HORMAD2: variants seen among roughly 807,000 people sequenced by gnomAD.
HORMAD2 encodes the protein HORMA domain containing 2, also known as HORMA domain-containing protein 2.
A neutral mutation model predicts 38.8 loss-of-function variants in HORMAD2; 45 were observed. The observed-to-expected ratio is 1.16, with a 90% CI of 0.91 to 1.49. The LOEUF (loss-of-function observed/expected upper bound fraction) is 1.49. Ranked by LOEUF, HORMAD2 falls within the 40% of genes most tolerant of loss-of-function variation. The pLI is 0.00. For missense variants in HORMAD2, 338 were observed against 367.0 expected, an observed-to-expected ratio of 0.92 and a Z score of 0.65; for synonymous variants, 126 against 122.8, an observed-to-expected ratio of 1.03 and a Z score of -0.17.
the HORMAD2 span, among the ~76,000 whole-genome samples, chr22:30,202,757 G>A: frequency 6.6e-6 from 1 of 152,200 alleles, no homozygotes; most frequent in South Asian, 2.1e-4. Context: ...TTCTGCCTGG[G>A]ACATGCAGCC....
At chr22:30,146,219 G>A (rs1273927783) in intron 10 of HORMAD2, among the ~76,000 whole-genome samples, 7 of 152,194 alleles carry the variant, frequency 4.6e-5, no homozygotes, top group Admixed American at 2.6e-4. Context: ...TTGGCCAGGC[G>A]CAGTGGCTCA....
intron 5 of HORMAD2, among the ~76,000 whole-genome samples, chr22:30,111,342 C>T (rs111542439): frequency 0.017 from 2,519 of 151,456 alleles, 67 homozygotes; most frequent in African/African-American, 0.058. Flanking sequence ...AAAAATTAGC[C>T]GGGCATTGAG....
chr22:30,094,895 A>C (rs978148817), intron 2 of HORMAD2, among the ~76,000 whole-genome samples: 1 of 152,156 alleles, frequency 6.6e-6, no homozygotes, highest in Non-Finnish European at 1.5e-5. Context: ...TGGTAAAAGC[A>C]TTGCACTGTC....
chr22:30,094,015 G>T lies in HORMAD2; in HGVS notation c.51+12G>T, dbSNP rs570508780. 1.9e-6 allele frequency: 3 copies of T among 1,576,538 alleles called. No homozygotes were observed. The Admixed American group carries it at 5.2e-5, about 27-fold the overall frequency. ...ACAAGGCTTCTAAGGTATTTGTTAA[G>T]AATTAAAAGAAAATCAATGACCATT... On this transcript the variant is annotated intron_variant, in intron 2 of 10. Coordinates refer to ENST00000336726, the MANE Select transcript of HORMAD2 (RefSeq NM_152510.4).
upstream of HORMAD2, among the ~76,000 whole-genome samples, chr22:30,079,867 A>G (rs1435060674): frequency 6.6e-6 from 1 of 151,950 alleles, no homozygotes; most frequent in African/African-American, 2.4e-5. Flanking sequence ...TTTTGTAGAG[A>G]CGGGTTTTCA....
In HORMAD2 at chr22:30,167,189, C is replaced by T. The variant is rs544766670; in HGVS notation, c.820-8874C>T. 3.3e-5 allele frequency among the ~76,000 whole-genome samples: 5 copies of T among 152,314 alleles called. No homozygotes were observed. The East Asian group carries it at 9.6e-4, about 29-fold the overall frequency. On this transcript the variant is annotated intron_variant, in intron 10 of 10. Transcript: ENST00000336726. ...CCCTATTGTCACATTGTCTTCTCTT[C>T]TGTCTGTGTTCACATCTCCCATTGC... is the stretch of plus-strand genomic sequence containing the variant.
intron 10 of HORMAD2, among the ~76,000 whole-genome samples, chr22:30,134,480 T>G (rs1050743925): frequency 4.0e-5 from 6 of 148,738 alleles, no homozygotes; most frequent in Admixed American, 2.0e-4. Flanking sequence ...TATATACAAT[T>G]AACACTAACA....
chr22:30,110,122 G>A (rs966954550), intron 5 of HORMAD2, among the ~76,000 whole-genome samples: 8 of 152,174 alleles, frequency 5.3e-5, no homozygotes, highest in South Asian at 2.1e-4. Flanking sequence ...TATTTATATA[G>A]CATTTACATG....
chr22:30,106,118 C>T (rs550996432), intron 5 of HORMAD2, among the ~76,000 whole-genome samples: 3 of 152,294 alleles, frequency 2.0e-5, no homozygotes, highest in African/African-American at 7.2e-5. Context: ...TCAAGCGATG[C>T]TGCTGCCTCA....
Position 30,112,367 on chromosome 22 carries a change from T to C in HORMAD2, c.316-129T>C, listed in dbSNP as rs554206769. ...ATTCACAAAATAAGCATATCCTATCTCTAGCTTAAAATATATGTCTGTACT... is the reference window on the plus strand; with the variant it reads ...ATTCACAAAATAAGCATATCCTATCCCTAGCTTAAAATATATGTCTGTACT... On this transcript the variant is annotated intron_variant, in intron 6 of 10. Transcript: ENST00000336726. 103 of 600,590 alleles carry C rather than the reference T, an allele frequency of 1.7e-4. 1 individual carries two copies. The highest frequency in any genetic ancestry group is 2.7e-4 in the Non-Finnish European group (90 of 339,088). 37.2% of individuals were successfully genotyped at this position (600,590 alleles called of 1,614,324 possible).
the HORMAD2 span, chr22:30,207,016 T>C: frequency 2.1e-6 from 1 of 467,264 alleles, no homozygotes; most frequent in South Asian, 1.6e-5. Context: ...CCCAGCAGCC[T>C]CCACCCGTCC....
intron 1 of HORMAD2, among the ~76,000 whole-genome samples, chr22:30,091,266 C>CTTTTTTTTTT (rs67947501): frequency 2.6e-5 from 3 of 114,036 alleles, no homozygotes; most frequent in Admixed American, 9.2e-5. Flanking sequence ...CTCTTTCTTT[C>CTTTTTTTTTT]TTTTTTTTTT....
intron 10 of HORMAD2, among the ~76,000 whole-genome samples, chr22:30,162,894 G>T (rs1002555980): frequency 1.3e-5 from 2 of 151,820 alleles, no homozygotes; most frequent in Non-Finnish European, 2.9e-5. Flanking sequence ...TAGAGACAGG[G>T]TTTTACCTTG....
chr22:30,084,674 A>G (rs2068539255), intron 1 of HORMAD2, among the ~76,000 whole-genome samples: 1 of 151,928 alleles, frequency 6.6e-6, no homozygotes, highest in Admixed American at 6.6e-5. Flanking sequence ...TTTAAAGTAG[A>G]GACAGGGCTT....
At chr22:30,112,347 C>T (rs1921726498) in intron 6 of HORMAD2, 149 bp from the exon 7 acceptor site, 2 of 544,762 alleles carry the variant, frequency 3.7e-6, no homozygotes, top group African/African-American at 4.1e-5. Context: ...TCTACATTCA[C>T]AAAATAAGCA....
chr22:30,172,749 G>T (rs5763842), intron 10 of HORMAD2, among the ~76,000 whole-genome samples: 1 of 151,866 alleles, frequency 6.6e-6, no homozygotes, highest in Non-Finnish European at 1.5e-5. Context: ...TTAGCTGGGC[G>T]TGGTGGCGGG....
At chr22:30,098,559 T>C (rs1459153389) in intron 2 of HORMAD2, among the ~76,000 whole-genome samples, 1 of 152,150 alleles carries the variant, frequency 6.6e-6, no homozygotes, top group African/African-American at 2.4e-5. Context: ...CTGAGGAGTG[T>C]ATGAGAGGGA....
intron 10 of HORMAD2, among the ~76,000 whole-genome samples, chr22:30,125,211 C>CTTTTTTTTTTTTTTTT (rs1569099734): frequency 2.1e-5 from 1 of 46,592 alleles, no homozygotes; most frequent in African/African-American, 9.7e-5. Context: ...CTTTCTTTTT[C>CTTTTTTTTTTTTTTTT]TTTTCTTTTT....
At chr22:30,100,005 C>T (rs1920932122) in intron 3 of HORMAD2, among the ~76,000 whole-genome samples, 1 of 152,174 alleles carries the variant, frequency 6.6e-6, no homozygotes, top group South Asian at 2.1e-4. Context: ...AATGGCCATA[C>T]TGCCCAAAGT....
Sources: gnomAD v4.1 joint callset for allele counts (sites outside exome capture counted in the v4.1 genomes callset) on GRCh38, gnomAD v4.1.1 for gene constraint, MANE v1.5 for transcripts, NCBI Gene and HGNC (gene_info 2026-07-23, HGNC 2026-07-21) for gene names.